SWAP70: variants seen among roughly 807,000 people sequenced by gnomAD.
The protein encoded by SWAP70 is switching B cell complex subunit SWAP70.
In SWAP70, 34 loss-of-function variants were observed where a neutral mutation model predicts 80.2. That is an observed-to-expected ratio of 0.42 (90% CI 0.32 to 0.56). SWAP70 has a LOEUF of 0.56. Among genes scored for constraint, SWAP70 ranks in the 20% least tolerant of loss-of-function variants. The pLI, the probability that SWAP70 is intolerant of heterozygous loss-of-function variation, is 0.09. For synonymous variants in SWAP70, 239 were observed against 238.5 expected (o/e 1.00, Z -0.02); for missense variants, 578 against 690.7 (o/e 0.84, Z 1.83).
At position 9,750,075 on chromosome 11, in the gene SWAP70, C is replaced by T. The variant is rs555396242; in HGVS notation, c.*105C>T. ...TTTGGGGGCCGGGCGTGGTGGCTCA[C>T]GCCTGTAATCCCAGCACTTTGGGAG... On this transcript the variant is annotated 3_prime_UTR_variant, in exon 12 of 12. Coordinates refer to ENST00000318950, the MANE Select transcript of SWAP70 (RefSeq NM_015055.4). 1.5e-5 allele frequency: 11 copies of T among 738,232 alleles called. No individual in the cohort carries two copies. Among genetic ancestry groups the T allele is most frequent in the East Asian group, 5.8e-5 (2 of 34,464 alleles). 45.7% of individuals were successfully genotyped at this position (738,232 alleles called of 1,614,324 possible).
chr11:9,694,235 A>G lies in SWAP70; in HGVS notation c.189A>G (p.Pro63=). Residue 63 remains proline (P), a synonymous_variant, in exon 2 of 12, where the codon CCA becomes CCG. Transcript: ENST00000318950. ...EEHFRDDDEG[P]VSNQGYMPYL... ...ACTTCAGGGATGATGATGAGGGTCCAGTGTCCAACCAGGGCTACATGCCTT... is the reference window on the plus strand; with the variant it reads ...ACTTCAGGGATGATGATGAGGGTCCGGTGTCCAACCAGGGCTACATGCCTT... 6.2e-7 allele frequency: 1 copy of G among 1,613,374 alleles called. No individual in the cohort carries two copies. Among genetic ancestry groups the G allele is most frequent in the South Asian group, 1.1e-5 (1 of 90,958 alleles).
intron 1 of SWAP70, among the ~76,000 whole-genome samples, chr11:9,665,983 T>C (rs1850301904): frequency 1.3e-5 from 2 of 152,162 alleles, no homozygotes; most frequent in South Asian, 4.2e-4. Context: ...ATTATTGATA[T>C]GGTTTGATTT....
At chr11:9,672,220 T>TATATATATAC (rs1850426314) in intron 1 of SWAP70, among the ~76,000 whole-genome samples, 1 of 134,638 alleles carries the variant, frequency 7.4e-6, no homozygotes, top group Non-Finnish European at 1.6e-5. Context: ...TATATATATA[T>TATATATATAC]ATATATATGA....
chr11:9,747,743 G>A (rs1851530251), intron 9 of SWAP70, 115 bp from the exon 10 acceptor site: 3 of 986,768 alleles, frequency 3.0e-6, no homozygotes, highest in Non-Finnish European at 4.8e-6. Flanking sequence ...CTGGTGGAAT[G>A]AAAGGGGGAT....
At chr11:9,699,514 C>T (rs1850803860) in intron 2 of SWAP70, among the ~76,000 whole-genome samples, 1 of 151,798 alleles carries the variant, frequency 6.6e-6, no homozygotes, top group Admixed American at 6.6e-5. Flanking sequence ...TACAATAAAA[C>T]TATAGAACAC....
chr11:9,710,971 C>G (rs1001419867), intron 2 of SWAP70, among the ~76,000 whole-genome samples: 3 of 150,762 alleles, frequency 2.0e-5, no homozygotes, highest in Non-Finnish European at 4.4e-5. Flanking sequence ...TAGGCATGAG[C>G]CACTGTGCCT....
intron 1 of SWAP70, among the ~76,000 whole-genome samples, chr11:9,675,509 T>G (rs1850486702): frequency 6.6e-6 from 1 of 151,850 alleles, no homozygotes; most frequent in Non-Finnish European, 1.5e-5. Flanking sequence ...GAAACAGATG[T>G]TTGCTGGTTG....
chr11:9,729,032 T>C (rs9943632), intron 5 of SWAP70, among the ~76,000 whole-genome samples: 4,853 of 152,280 alleles, frequency 0.032, 83 homozygotes, highest in African/African-American at 0.036. Flanking sequence ...TCTTGTAACA[T>C]CATCACAGAT....
At chr11:9,749,006 C>A in intron 10 of SWAP70, 81 bp from the exon 11 acceptor site, 1 of 746,752 alleles carries the variant, frequency 1.3e-6, no homozygotes, top group Non-Finnish European at 2.2e-6. Context: ...TTCACAAATA[C>A]ATAGTAAGGG....
chr11:9,719,477 G>T (rs1000331441), intron 3 of SWAP70, among the ~76,000 whole-genome samples: 1 of 152,124 alleles, frequency 6.6e-6, no homozygotes, highest in African/African-American at 2.4e-5. Context: ...GAACCCAGGA[G>T]GTGGAGGTTG....
intron 3 of SWAP70, among the ~76,000 whole-genome samples, chr11:9,717,223 A>C (rs1378861561): frequency 6.6e-6 from 1 of 152,230 alleles, no homozygotes; most frequent in African/African-American, 2.4e-5. Context: ...ATTTTTGTCC[A>C]AGGAAATTGT....
intron 8 of SWAP70, among the ~76,000 whole-genome samples, chr11:9,739,316 A>G (rs1335109354): frequency 1.3e-5 from 2 of 152,176 alleles, no homozygotes; most frequent in Non-Finnish European, 2.9e-5. Flanking sequence ...ACTTTTTGTT[A>G]TTTAGAGTTG....
At chr11:9,730,742 G>C (rs907733735) in intron 6 of SWAP70, among the ~76,000 whole-genome samples, 1 of 152,080 alleles carries the variant, frequency 6.6e-6, no homozygotes, top group African/African-American at 2.4e-5. Context: ...GGGTAACTCA[G>C]GAACACAAAC....
At position 9,713,630 on chromosome 11, in the gene SWAP70, G is replaced by T; in HGVS notation, c.405G>T (p.Val135=). Residue 135 remains valine, a synonymous_variant, in exon 3 of 12, where the codon GTG becomes GTT. Coordinates refer to ENST00000318950, the MANE Select transcript of SWAP70 (RefSeq NM_015055.4). ...LSEDKYPLII[V]SEEIEYLLKK... The stretch of plus-strand genomic sequence containing the variant: ...AGGACAAGTATCCATTAATTATTGT[G>T]TCAGAAGAGGTAAGGTGTGGCTTGG... 6.2e-7 allele frequency: 1 copy of T among 1,612,828 alleles called. No homozygotes were observed. The highest frequency in any genetic ancestry group is 8.5e-7 in the Non-Finnish European group (1 of 1,179,616).
At chr11:9,673,076 A>C (rs1348668611) in intron 1 of SWAP70, among the ~76,000 whole-genome samples, 1 of 152,136 alleles carries the variant, frequency 6.6e-6, no homozygotes, top group Non-Finnish European at 1.5e-5. Context: ...CCTCCAGTTC[A>C]ATTCCAACAC....
intron 6 of SWAP70, among the ~76,000 whole-genome samples, chr11:9,732,009 CA>C (rs1325231704): frequency 5.3e-5 from 8 of 152,072 alleles, no homozygotes; most frequent in Non-Finnish European, 5.9e-5. Flanking sequence ...AAATAAATGA[CA>C]GCTGCTGTTA....
At chr11:9,695,100 C>A (rs1055893782) in intron 2 of SWAP70, among the ~76,000 whole-genome samples, 7 of 152,026 alleles carry the variant, frequency 4.6e-5, no homozygotes, top group African/African-American at 1.7e-4. Flanking sequence ...ACCAACCTGA[C>A]CAATATGATG....
At chr11:9,747,353 CCTTT>C (rs1194505548) in intron 9 of SWAP70, among the ~76,000 whole-genome samples, 1 of 152,218 alleles carries the variant, frequency 6.6e-6, no homozygotes, top group African/African-American at 2.4e-5. Flanking sequence ...TGCGTTCACT[CCTTT>C]CTTCATCTTC....
At chr11:9,710,365 C>T in intron 2 of SWAP70, among the ~76,000 whole-genome samples, 1 of 152,118 alleles carries the variant, frequency 6.6e-6, no homozygotes, top group Non-Finnish European at 1.5e-5. Flanking sequence ...TGCTTTCCCT[C>T]CATGGGATCA....
Sources: allele counts gnomAD v4.1 joint callset (sites outside exome capture counted in the v4.1 genomes callset), GRCh38; gene constraint gnomAD v4.1.1; transcripts MANE v1.5; gene names NCBI Gene and HGNC (gene_info 2026-07-23, HGNC 2026-07-21).